Variants in CENATAC observed in about 807,000 individuals in gnomAD.
The protein encoded by CENATAC is centrosomal AT-AC splicing factor, also known as coiled-coil domain containing 84.
CENATAC carries 53 observed loss-of-function variants against 53.7 expected under a neutral mutation model. That is an observed-to-expected ratio of 0.99 (90% CI 0.79 to 1.24). CENATAC has a LOEUF of 1.24. Among genes scored for constraint, CENATAC ranks in the 50% most tolerant of loss-of-function variants. CENATAC has a pLI of 0.00. For missense variants in CENATAC, 474 were observed against 417.8 expected, an observed-to-expected ratio of 1.13 and a Z score of -1.17; for synonymous variants, 156 against 144.6, an observed-to-expected ratio of 1.08 and a Z score of -0.57.
intron 7 of CENATAC, 86 bp from the exon 8 acceptor site, chr11:119,013,146 T>G: frequency 2.0e-6 from 2 of 996,828 alleles, no homozygotes. Context: ...TCTTTTAAAG[T>G]GTGCTTTGTC....
chr11:119,001,987 G>A (rs1942320565), intron 3 of CENATAC, among the ~76,000 whole-genome samples: 1 of 152,036 alleles, frequency 6.6e-6, no homozygotes, highest in African/African-American at 2.4e-5. Flanking sequence ...ACTTTGGGAG[G>A]CCGAGGTGGG....
At chr11:119,005,601 C>G (rs979505850) in intron 3 of CENATAC, 1 of 151,884 alleles carries the variant, frequency 6.6e-6, no homozygotes, top group Non-Finnish European at 1.5e-5. Context: ...AGCCACTGTG[C>G]CCAGCCAGCT....
chr11:119,015,440 G>A lies in CENATAC; in HGVS notation c.938+1G>A. 1 of 1,614,072 alleles carries A rather than the reference G, an allele frequency of 6.2e-7. No individual in the cohort carries two copies. The highest frequency in any genetic ancestry group is 8.5e-7 in the Non-Finnish European group (1 of 1,179,914). On this transcript the variant is annotated splice_donor_variant, in intron 10 of 10. Transcript: ENST00000334418. LOFTEE classifies it high-confidence loss of function. ...ATAATGGACGCCGCTGGCAGTCCAG[G>A]TATGTGTGTTCAGTGCCGGGTCTCC...
At chr11:119,001,701 G>A (rs1486272594) in intron 3 of CENATAC, 6 of 455,016 alleles carry the variant, frequency 1.3e-5, no homozygotes, top group Non-Finnish European at 2.6e-5. Context: ...AACTTGTGCT[G>A]TGCAAGAGTC....
At chr11:119,001,441 G>C (rs888588430) in intron 3 of CENATAC, among the ~76,000 whole-genome samples, 10 of 151,936 alleles carry the variant, frequency 6.6e-5, no homozygotes, top group Non-Finnish European at 1.2e-4. Flanking sequence ...ACCCAGGGTG[G>C]AGTACAGTGG....
chr11:118,998,394 T>A (rs961783217), intron 1 of CENATAC, 36 bp from the exon 2 acceptor site: 30 of 1,611,478 alleles, frequency 1.9e-5, no homozygotes, highest in African/African-American at 2.7e-5. Context: ...GATTTGGGGG[T>A]CCCCCTCGGG....
chr11:119,011,326 T>C (rs1942858574), intron 5 of CENATAC, 43 bp downstream of exon 5: 2 of 1,587,796 alleles, frequency 1.3e-6, no homozygotes, highest in East Asian at 2.2e-5. Flanking sequence ...CCAAATCCAC[T>C]GATCCCTGGC....
chr11:119,006,153 C>T (rs1322378169), intron 3 of CENATAC, among the ~76,000 whole-genome samples: 1 of 125,232 alleles, frequency 8.0e-6, no homozygotes, highest in Non-Finnish European at 1.6e-5. Context: ...GTGGCGTGAT[C>T]TCAGTTGACT....
At chr11:118,999,195 A>G (rs782560040) in intron 3 of CENATAC, 86 bp downstream of exon 3, 42 of 990,904 alleles carry the variant, frequency 4.2e-5, no homozygotes, top group Non-Finnish European at 6.0e-5. Flanking sequence ...TTAACTGGAA[A>G]GTTCAGGAGG....
intron 8 of CENATAC, chr11:119,014,476 G>A (rs138774572): frequency 1.3e-5 from 2 of 152,468 alleles, no homozygotes; most frequent in African/African-American, 4.8e-5. Flanking sequence ...CAGCTACTTG[G>A]GAGGCTGAGG....
intron 5 of CENATAC, among the ~76,000 whole-genome samples, chr11:119,011,723 G>T (rs1232245265): frequency 1.4e-5 from 2 of 144,214 alleles, no homozygotes; most frequent in African/African-American, 5.0e-5. Flanking sequence ...TGCTTGGCTT[G>T]AATTCCCTTA....
At chr11:119,010,571 C>G in intron 3 of CENATAC, 193 bp from the exon 4 acceptor site, 1 of 564,610 alleles carries the variant, frequency 1.8e-6, no homozygotes, top group Non-Finnish European at 3.2e-6. Context: ...GGACGTGTGT[C>G]TGTACAAAAG....
At chr11:119,000,245 C>T (rs1029272873) in intron 3 of CENATAC, among the ~76,000 whole-genome samples, 34 of 152,202 alleles carry the variant, frequency 2.2e-4, no homozygotes, top group African/African-American at 7.2e-4. Flanking sequence ...ACCTTCCTTT[C>T]GCTTTAAGTT....
At position 119,015,051 on chromosome 11, in the gene CENATAC, T is replaced by G. The variant is rs371797960; in HGVS notation, c.773T>G (p.Ile258Arg). Residue 258 changes from isoleucine to arginine, a missense_variant, in exon 9 of 11, where the codon ATA becomes AGA. By Grantham distance (97) the Ile-to-Arg change is moderately conservative. Coordinates refer to ENST00000334418, the MANE Select transcript of CENATAC (RefSeq NM_198489.3). ...GAATACATTGCTGGGAACCAAGAAATAGGACCATCCTATGAAGAATTTCTT... is the reference window on the plus strand; with the variant it reads ...GAATACATTGCTGGGAACCAAGAAAGAGGACCATCCTATGAAGAATTTCTT... ...DEEYIAGNQE[I>R]GPSYEEFLKE... The G allele has an allele frequency of 1.2e-6, 2 of 1,609,614 alleles. No individual in the cohort carries two copies. Among genetic ancestry groups the G allele is most frequent in the Non-Finnish European group, 1.7e-6 (2 of 1,178,666 alleles).
At chr11:119,015,245 G>GTA in intron 9 of CENATAC, 62 bp from the exon 10 acceptor site, 2 of 1,527,848 alleles carry the variant, frequency 1.3e-6, no homozygotes, top group Non-Finnish European at 1.8e-6. Flanking sequence ...GGACAACATA[G>GTA]TGAGACCCCA....
rs1427408327 is a variant in CENATAC, at chr11:119,015,100, A to G, written c.805+17A>G. 3.8e-6 allele frequency: 6 copies of G among 1,578,868 alleles called. No homozygotes were observed. The highest frequency in any genetic ancestry group is 1.1e-5 in the South Asian group (1 of 87,956). ...TTAAAGAAAGTAAGTAAACTAATTC[A>G]AGAGAGGATCGTCTAAATCTTCACA... On this transcript the variant is annotated intron_variant, in intron 9 of 10. Coordinates refer to ENST00000334418, the MANE Select transcript of CENATAC (RefSeq NM_198489.3).
rs566672995 is a variant in CENATAC, at chr11:119,009,197, C to T, written c.384-1567C>T. 3.9e-5 allele frequency among the ~76,000 whole-genome samples: 6 copies of T among 152,064 alleles called. No homozygotes were observed. The East Asian group carries it at 7.7e-4, about 20-fold the overall frequency. The stretch of plus-strand genomic sequence containing the variant: ...GGCCTGGAGTGCAGTGGCCCGATCT[C>T]GGCTCACTGCAACCTCCACCTCCGA... On this transcript the variant is annotated intron_variant, in intron 3 of 10. Coordinates refer to ENST00000334418, the MANE Select transcript of CENATAC (RefSeq NM_198489.3).
intron 5 of CENATAC, 131 bp downstream of exon 5, chr11:119,011,414 C>G (rs886617999): frequency 1.2e-6 from 1 of 832,230 alleles, no homozygotes; most frequent in African/African-American, 1.7e-5. Flanking sequence ...CGCTGTGTCA[C>G]CCAGGCTGGA....
intron 3 of CENATAC, among the ~76,000 whole-genome samples, chr11:119,001,411 A>G (rs1942288281): frequency 6.7e-6 from 1 of 150,132 alleles, no homozygotes; most frequent in African/African-American, 2.5e-5. Context: ...TTTTTTTTGG[A>G]GAGGGAGTTT....
Sources: allele counts gnomAD v4.1 joint callset (sites outside exome capture counted in the v4.1 genomes callset), GRCh38; gene constraint gnomAD v4.1.1; transcripts MANE v1.5; gene names NCBI Gene and HGNC (gene_info 2026-07-23, HGNC 2026-07-21).